Variants in TLE1 observed in about 807,000 individuals in gnomAD.
The protein encoded by TLE1 is transducin-like enhancer protein 1.
In TLE1, 21 loss-of-function variants were observed where a neutral mutation model predicts 89.8. The ratio of observed to expected loss-of-function variants is 0.23; its 90% CI spans 0.17 to 0.34. The LOEUF (loss-of-function observed/expected upper bound fraction) is 0.34, where lower values mean the gene tolerates loss of function less well. Ranked by LOEUF, TLE1 falls within the 10% of genes least tolerant of loss-of-function variation. The probability of loss-of-function intolerance (pLI) is 1.00; values close to 1 mark genes in which losing one functional copy is unlikely to be tolerated. For synonymous variants in TLE1, 447 were observed against 407.6 expected (o/e 1.10, Z -1.16); for missense variants, 795 against 1,031.2 (o/e 0.77, Z 3.14).
intron 4 of TLE1, among the ~76,000 whole-genome samples, chr9:81,666,205 T>C (rs1564055449): frequency 6.6e-6 from 1 of 152,138 alleles, no homozygotes; most frequent in Non-Finnish European, 1.5e-5. Flanking sequence ...AAATGCACTC[T>C]GTGGTGGAGA....
intron 4 of TLE1, among the ~76,000 whole-genome samples, chr9:81,655,664 A>T (rs572738224): frequency 1.3e-5 from 2 of 152,212 alleles, no homozygotes; most frequent in South Asian, 4.1e-4. Flanking sequence ...ACTAAATGCC[A>T]CCTATATTAC....
chr9:81,675,874 T>C (rs1422181949), intron 4 of TLE1, among the ~76,000 whole-genome samples: 1 of 151,848 alleles, frequency 6.6e-6, no homozygotes, highest in Non-Finnish European at 1.5e-5. Context: ...CTAATTTTCG[T>C]ATTTTCAGCA....
intron 1 of TLE1, 62 bp downstream of exon 1, chr9:81,688,155 C>T (rs1834609629): frequency 3.8e-6 from 6 of 1,592,706 alleles, no homozygotes; most frequent in Admixed American, 1.7e-5. Flanking sequence ...GTCTCCCTAC[C>T]GCCCGGGAGA....
intron 6 of TLE1, among the ~76,000 whole-genome samples, chr9:81,642,661 T>G (rs998843369): frequency 2.0e-5 from 3 of 151,188 alleles, no homozygotes; most frequent in Non-Finnish European, 2.9e-5. Flanking sequence ...GCCACTGCAC[T>G]CCAGCCTGGG....
intron 6 of TLE1, among the ~76,000 whole-genome samples, chr9:81,643,267 G>A (rs1160775475): frequency 1.3e-5 from 2 of 151,160 alleles, no homozygotes; most frequent in East Asian, 1.9e-4. Context: ...ACAGAGTTTC[G>A]CTCTCGTTGC....
intron 15 of TLE1, among the ~76,000 whole-genome samples, chr9:81,591,610 G>T (rs1397111746): frequency 6.6e-6 from 1 of 152,216 alleles, no homozygotes; most frequent in Non-Finnish European, 1.5e-5. Context: ...TGAAGGGGCT[G>T]TGGGTGGGGG....
chr9:81,664,870 G>A (rs1022242561), intron 4 of TLE1, among the ~76,000 whole-genome samples: 7 of 152,284 alleles, frequency 4.6e-5, no homozygotes, highest in South Asian at 4.1e-4. Flanking sequence ...CTAGGCCTGA[G>A]AATATTCGTT....
At chr9:81,588,409 C>A (rs781527977) in intron 16 of TLE1, among the ~76,000 whole-genome samples, 8 of 152,130 alleles carry the variant, frequency 5.3e-5, no homozygotes, top group African/African-American at 1.4e-4. Flanking sequence ...AAGAGCCCTG[C>A]ATTAGGAAAT....
chr9:81,586,899 T>C (rs1828550327), intron 17 of TLE1, among the ~76,000 whole-genome samples: 1 of 152,342 alleles, frequency 6.6e-6, no homozygotes, highest in African/African-American at 2.4e-5. Context: ...TTTAGAAGTA[T>C]ATATGCTTGT....
At chr9:81,647,260 G>A (rs1181826561) in intron 6 of TLE1, among the ~76,000 whole-genome samples, 1 of 152,156 alleles carries the variant, frequency 6.6e-6, no homozygotes. Flanking sequence ...TTAACAGAAT[G>A]ATTCCTATAA....
At chr9:81,592,275 G>A (rs181902970) in intron 15 of TLE1, among the ~76,000 whole-genome samples, 108 of 152,276 alleles carry the variant, frequency 7.1e-4, no homozygotes, top group African/African-American at 1.8e-3. Flanking sequence ...GGAGAACGGC[G>A]TAAACCCCGG....
At chr9:81,646,095 T>C (rs1252219658) in intron 6 of TLE1, among the ~76,000 whole-genome samples, 1 of 152,144 alleles carries the variant, frequency 6.6e-6, no homozygotes, top group Non-Finnish European at 1.5e-5. Context: ...AACCTGCACA[T>C]CCTATACATG....
chr9:81,616,178 A>T (rs774071634), intron 10 of TLE1, 44 bp from the exon 11 acceptor site: 1 of 1,568,410 alleles, frequency 6.4e-7, no homozygotes, highest in Non-Finnish European at 8.6e-7. Context: ...AGCTTGTAAC[A>T]GACAGACTTT....
intron 13 of TLE1, among the ~76,000 whole-genome samples, chr9:81,611,337 A>G (rs1823679624): frequency 6.6e-6 from 1 of 152,190 alleles, no homozygotes. Flanking sequence ...TAGAAAGAGA[A>G]AGCGATGGCT....
intron 5 of TLE1, among the ~76,000 whole-genome samples, chr9:81,652,998 C>A (rs1387451848): frequency 2.0e-5 from 3 of 152,074 alleles, no homozygotes; most frequent in Non-Finnish European, 4.4e-5. Flanking sequence ...ACTCACCCCA[C>A]ACCTCCCAAC....
Position 81,600,264 on chromosome 9 carries a change from G to C in TLE1, c.1332-6990C>G, listed in dbSNP as rs899173590. ...ACAAAAACGAGCATTATCCAAGCAAGAAATATACACACTACATTTATATCC... is the reference window on the plus strand; with the variant it reads ...ACAAAAACGAGCATTATCCAAGCAACAAATATACACACTACATTTATATCC... On this transcript the variant is annotated intron_variant, in intron 14 of 19. Coordinates refer to ENST00000376499, the MANE Select transcript of TLE1 (RefSeq NM_005077.5). The C allele has an allele frequency of 1.2e-5, 7 of 569,766 alleles. No homozygotes were observed. The African/African-American group carries it at 1.3e-4, about 11-fold the overall frequency. The allele number at this position is 569,766 out of a possible 1,614,324, so 35.3% of individuals were successfully genotyped here.
intron 9 of TLE1, among the ~76,000 whole-genome samples, chr9:81,618,409 A>C (rs1280319268): frequency 1.3e-5 from 2 of 152,194 alleles, no homozygotes; most frequent in Non-Finnish European, 2.9e-5. Context: ...TTTATTTCCT[A>C]ATCATACCCA....
chr9:81,668,627 GA>G (rs1262387153), intron 4 of TLE1, among the ~76,000 whole-genome samples: 4 of 152,090 alleles, frequency 2.6e-5, no homozygotes, highest in Admixed American at 2.0e-4. Context: ...TTCAGGATGG[GA>G]AAAAAAGTGT....
rs201562294 is a variant in TLE1, at chr9:81,591,008, G to A, written c.1626C>T (p.Gly542=). ...YIRSCKLLPD[G]CTLIVGGEAS... ...CTTCCCCTCCCACTATGAGAGTGCAGCCATCGGGTAGCAATTTACAGGAAC... is the reference window on the plus strand; with the variant it reads ...CTTCCCCTCCCACTATGAGAGTGCAACCATCGGGTAGCAATTTACAGGAAC... Residue 542 remains glycine, a synonymous_variant, in exon 16 of 20, where the codon GGC becomes GGT. Coordinates refer to ENST00000376499, the MANE Select transcript of TLE1 (RefSeq NM_005077.5). The A allele has an allele frequency of 3.4e-5, 55 of 1,614,240 alleles. No individual in the cohort carries two copies. Among genetic ancestry groups the A allele is most frequent in the Non-Finnish European group, 4.7e-5 (55 of 1,180,032 alleles).
Sources: gnomAD v4.1 joint callset for allele counts (sites outside exome capture counted in the v4.1 genomes callset) on GRCh38, gnomAD v4.1.1 for gene constraint, MANE v1.5 for transcripts, NCBI Gene and HGNC (gene_info 2026-07-23, HGNC 2026-07-21) for gene names.